GJA5: variants seen among roughly 807,000 people sequenced by gnomAD.
The protein encoded by GJA5 is gap junction protein alpha 5.
In GJA5, 3 loss-of-function variants were observed where a neutral mutation model predicts 7.9. That is an observed-to-expected ratio of 0.38 (90% CI 0.17 to 0.99). The LOEUF (loss-of-function observed/expected upper bound fraction) is 0.99. Ranked by LOEUF, GJA5 falls within the 50% of genes least tolerant of loss-of-function variation. The pLI, the probability that GJA5 is intolerant of heterozygous loss-of-function variation, is 0.38. For synonymous variants in GJA5, 193 were observed against 181.0 expected (o/e 1.07, Z -0.53); for missense variants, 390 against 457.9 (o/e 0.85, Z 1.35).
chr1:147,765,942 G>C (rs1664185637), intron 1 of GJA5, among the ~76,000 whole-genome samples: 1 of 152,144 alleles, frequency 6.6e-6, no homozygotes, highest in Non-Finnish European at 1.5e-5. Context: ...GCTTAAGAAG[G>C]TATATTGCTA....
chr1:147,759,275 C>G lies in GJA5; in HGVS notation c.-33-4G>C. On this transcript the variant is annotated splice_polypyrimidine_tract_variant and splice_region_variant and intron_variant, in intron 1 of 1. Coordinates refer to ENST00000579774, the MANE Select transcript of GJA5 (RefSeq NM_181703.4). ...CAGGGAACAGATGCCAAAACTTCTG[C>G]AAATGGGAGAGAGAGAAAGAGAGAA... 1.6e-6 allele frequency: 2 copies of G among 1,287,748 alleles called. No individual in the cohort carries two copies. The highest frequency in any genetic ancestry group is 2.3e-6 in the Non-Finnish European group (2 of 883,798). The allele number at this position is 1,287,748 out of a possible 1,614,324, so 79.8% of individuals were successfully genotyped here. A position where few individuals can be genotyped will look rare whatever the true frequency, so the allele number is the denominator to read the frequency against.
At chr1:147,766,640 C>A (rs1664214505) in intron 1 of GJA5, among the ~76,000 whole-genome samples, 1 of 152,290 alleles carries the variant, frequency 6.6e-6, no homozygotes, top group Admixed American at 6.5e-5. Context: ...ACTGCCTCCT[C>A]CCCTCATAGT....
At chr1:147,765,765 G>C (rs1010793524) in intron 1 of GJA5, among the ~76,000 whole-genome samples, 1 of 152,100 alleles carries the variant, frequency 6.6e-6, no homozygotes, top group African/African-American at 2.4e-5. Context: ...GCTCCTGAGG[G>C]CCTAATCTGA....
intron 1 of GJA5, among the ~76,000 whole-genome samples, chr1:147,769,204 T>C (rs185205015): frequency 1.3e-5 from 2 of 152,386 alleles, no homozygotes; most frequent in East Asian, 3.9e-4. Context: ...TTATTTCCTT[T>C]TTTAGCCAGC....
At position 147,757,964 on chromosome 1, in the gene GJA5, G is replaced by T. The variant is rs1023696768; in HGVS notation, c.*198C>A. The T allele has an allele frequency of 1.7e-5, 10 of 604,108 alleles. No individual in the cohort carries two copies. Among genetic ancestry groups the T allele is most frequent in the African/African-American group, 1.5e-4 (8 of 53,928 alleles). The allele number at this position is 604,108 out of a possible 1,614,324, so 37.4% of individuals were successfully genotyped here. A position where few individuals can be genotyped will look rare whatever the true frequency, so the allele number is the denominator to read the frequency against. ...GAGGGTGGGGAGGGAACTGCAGTCT[G>T]GGTGGGTTGTCACCTCTCTTACTAT... On this transcript the variant is annotated 3_prime_UTR_variant, in exon 2 of 2. Coordinates refer to ENST00000579774, the MANE Select transcript of GJA5 (RefSeq NM_181703.4).
chr1:147,768,537 T>C (rs1553228547), intron 1 of GJA5, among the ~76,000 whole-genome samples: 1 of 152,224 alleles, frequency 6.6e-6, no homozygotes, highest in East Asian at 1.9e-4. Flanking sequence ...AAAATTATAA[T>C]ACCCACATTT....
At chr1:147,760,059 A>T (rs1048134064) in intron 1 of GJA5, among the ~76,000 whole-genome samples, 14 of 152,128 alleles carry the variant, frequency 9.2e-5, no homozygotes, top group Non-Finnish European at 1.8e-4. Flanking sequence ...AGTATCACAG[A>T]TGAGTGCTCA....
chr1:147,756,396 G>A lies in GJA5; in HGVS notation c.*1766C>T, dbSNP rs1404290876. The A allele has an allele frequency of 3.9e-5, 6 of 152,136 alleles. No individual in the cohort carries two copies. The highest frequency in any genetic ancestry group is 8.8e-5 in the Non-Finnish European group (6 of 68,014). 9.4% of individuals were successfully genotyped at this position (152,136 alleles called of 1,614,324 possible). On this transcript the variant is annotated 3_prime_UTR_variant, in exon 2 of 2. Coordinates refer to ENST00000579774, the MANE Select transcript of GJA5 (RefSeq NM_181703.4). The stretch of plus-strand genomic sequence containing the variant: ...TAAAAGGTGTCCCCTCCAGGGACCC[G>A]GGATGATCAGACATTCCTTCCTAAA...
upstream of GJA5, among the ~76,000 whole-genome samples, chr1:147,765,002 T>C (rs1468395042): frequency 1.3e-5 from 2 of 152,142 alleles, no homozygotes; most frequent in Non-Finnish European, 2.9e-5. Flanking sequence ...TTCTTAATGA[T>C]TGAAGAAAAT....
At chr1:147,773,173 C>T (rs1289757983) in intron 1 of GJA5, 6 of 152,294 alleles carry the variant, frequency 3.9e-5, no homozygotes, top group African/African-American at 1.4e-4. Flanking sequence ...TTTATCCAGC[C>T]TAGAATCCAA....
intron 1 of GJA5, among the ~76,000 whole-genome samples, chr1:147,770,085 G>T (rs998557329): frequency 3.3e-5 from 5 of 152,084 alleles, no homozygotes; most frequent in African/African-American, 7.2e-5. Flanking sequence ...GGGACATCTT[G>T]ATCCCTAGCC....
At position 147,759,271 on chromosome 1, in the gene GJA5, T is replaced by G; in HGVS notation, c.-33A>C. 7.5e-7 allele frequency: 1 copy of G among 1,337,908 alleles called. No individual in the cohort carries two copies. The allele number at this position is 1,337,908 out of a possible 1,614,324, so 82.9% of individuals were successfully genotyped here. A position where few individuals can be genotyped will look rare whatever the true frequency, so the allele number is the denominator to read the frequency against. ...CAGCCAGGGAACAGATGCCAAAACT[T>G]CTGCAAATGGGAGAGAGAGAAAGAG... On this transcript the variant is annotated splice_region_variant and 5_prime_UTR_variant, in exon 2 of 2. Transcript: ENST00000579774.
intron 1 of GJA5, among the ~76,000 whole-genome samples, chr1:147,771,083 G>A (rs1451121205): frequency 1.3e-5 from 2 of 152,150 alleles, no homozygotes; most frequent in East Asian, 3.9e-4. Flanking sequence ...CCTGAAAACG[G>A]CAGGTCATCC....
chr1:147,772,180 GC>G (rs1430176505), intron 1 of GJA5, among the ~76,000 whole-genome samples: 2 of 152,264 alleles, frequency 1.3e-5, no homozygotes, highest in Admixed American at 1.3e-4. Flanking sequence ...CACGCAGCCA[GC>G]TGGACCTCTT....
chr1:147,772,958 G>A (rs1030144841), intron 1 of GJA5, among the ~76,000 whole-genome samples: 10 of 152,098 alleles, frequency 6.6e-5, no homozygotes, highest in Non-Finnish European at 1.2e-4. Flanking sequence ...CTTCTAAGAT[G>A]CCCCCAGAGG....
rs200371777 is a variant in GJA5, at chr1:147,758,449, G to C, written c.790C>G (p.Pro264Ala). ...TCCAGGCACTGATTAAAGTCGGGGG[G>C]TGGTGTGCAGCTCTGGACTATGCCC... The part of the protein sequence containing the change: ...SVGIVQSCTP[P>A]PDFNQCLENG... The change falls in exon 2 of 2, where the codon CCC becomes GCC. Residue 264 changes from proline (P) to alanine (A), a missense_variant. Coordinates refer to ENST00000579774, the MANE Select transcript of GJA5 (RefSeq NM_181703.4). The C allele has an allele frequency of 1.2e-6, 2 of 1,614,060 alleles. No homozygotes were observed. The highest frequency in any genetic ancestry group is 1.1e-5 in the South Asian group (1 of 91,088).
upstream of GJA5, among the ~76,000 whole-genome samples, chr1:147,761,539 T>C (rs1352360558): frequency 5.9e-5 from 9 of 152,176 alleles, no homozygotes; most frequent in Admixed American, 5.9e-4. Context: ...AAGCATCTTA[T>C]CTCTGCTCCT....
In GJA5 at chr1:147,756,718, T is replaced by C. The variant is rs1209892413; in HGVS notation, c.*1444A>G. The C allele has an allele frequency of 1.3e-5, 2 of 152,072 alleles. No homozygotes were observed. Among genetic ancestry groups the C allele is most frequent in the African/African-American group, 4.8e-5 (2 of 41,374 alleles). 9.4% of individuals were successfully genotyped at this position (152,072 alleles called of 1,614,324 possible). ...ATCAGCACCCACACACACACACACG[T>C]GCATTTTAATAATGTAATAATCCCT... is the stretch of plus-strand genomic sequence containing the variant. On this transcript the variant is annotated 3_prime_UTR_variant, in exon 2 of 2. Coordinates refer to ENST00000579774, the MANE Select transcript of GJA5 (RefSeq NM_181703.4).
At chr1:147,768,743 C>T (rs1664297975) in intron 1 of GJA5, among the ~76,000 whole-genome samples, 1 of 152,158 alleles carries the variant, frequency 6.6e-6, no homozygotes, top group African/African-American at 2.4e-5. Flanking sequence ...CTAACCCTCC[C>T]ATTAACACTG....
Sources: gnomAD v4.1 joint callset for allele counts (sites outside exome capture counted in the v4.1 genomes callset) on GRCh38, gnomAD v4.1.1 for gene constraint, MANE v1.5 for transcripts, NCBI Gene and HGNC (gene_info 2026-07-23, HGNC 2026-07-21) for gene names.